Variants in PKN2 observed in about 807,000 individuals in gnomAD.
PKN2 encodes the protein serine/threonine-protein kinase N2.
In PKN2, 38 loss-of-function variants were observed where a neutral mutation model predicts 119.1. That is an observed-to-expected ratio of 0.32 (90% CI 0.25 to 0.42). PKN2 has a LOEUF of 0.42. Ranked by LOEUF, PKN2 falls within the 10% of genes least tolerant of loss-of-function variation. The pLI, the probability that PKN2 is intolerant of heterozygous loss-of-function variation, is 1.00. For missense variants in PKN2, 850 were observed against 1,165.1 expected (o/e 0.73, Z 3.94); for synonymous variants, 390 against 384.9 (o/e 1.01, Z -0.15).
Position 88,784,754 on chromosome 1 carries a change from T to C in PKN2, c.1101T>C (p.Ser367=). ...GGAGTCCAAGTGAAACCAGATCATC[T>C]TTCATGAGCAGAACGAGTAAAAGTA... The part of the protein sequence containing the change: ...PGWSPSETRS[S]FMSRTSKSKS... The change falls in exon 7 of 22, where the codon TCT becomes TCC. Residue 367 remains serine, a synonymous_variant. Coordinates refer to ENST00000370521, the MANE Select transcript of PKN2 (RefSeq NM_006256.4). 1.2e-6 allele frequency: 2 copies of C among 1,613,064 alleles called. No homozygotes were observed. Among genetic ancestry groups the C allele is most frequent in the Non-Finnish European group, 8.5e-7 (1 of 1,179,366 alleles).
At chr1:88,713,792 A>G (rs1667336310) in intron 1 of PKN2, among the ~76,000 whole-genome samples, 1 of 151,832 alleles carries the variant, frequency 6.6e-6, no homozygotes, top group Non-Finnish European at 1.5e-5. Context: ...ATTAGATCCC[A>G]TTTGTCTATT....
chr1:88,740,772 A>G (rs1668546374), intron 1 of PKN2, among the ~76,000 whole-genome samples: 1 of 152,128 alleles, frequency 6.6e-6, no homozygotes. Flanking sequence ...TTGTCAAGTA[A>G]TGCTACTTAG....
chr1:88,703,715 G>A (rs1405914057), intron 1 of PKN2, among the ~76,000 whole-genome samples: 1 of 152,054 alleles, frequency 6.6e-6, no homozygotes, highest in African/African-American at 2.4e-5. Flanking sequence ...AAAAGCAAAG[G>A]CTACTTAGTC....
intron 16 of PKN2, among the ~76,000 whole-genome samples, chr1:88,814,447 C>T (rs1220293339): frequency 1.3e-5 from 2 of 152,114 alleles, no homozygotes; most frequent in African/African-American, 4.8e-5. Flanking sequence ...GATATTAATA[C>T]CTACACCCTG....
At chr1:88,785,162 A>G (rs1157177029) in intron 7 of PKN2, among the ~76,000 whole-genome samples, 1 of 152,096 alleles carries the variant, frequency 6.6e-6, no homozygotes, top group Non-Finnish European at 1.5e-5. Context: ...ATTTTTTGAG[A>G]CAGTGTTTTG....
chr1:88,830,132 C>T (rs1372750275), intron 19 of PKN2, among the ~76,000 whole-genome samples: 2 of 152,108 alleles, frequency 1.3e-5, no homozygotes, highest in Admixed American at 1.3e-4. Context: ...TAATGACTTG[C>T]TTAAAGTCAC....
intron 8 of PKN2, among the ~76,000 whole-genome samples, chr1:88,787,027 T>G (rs972760762): frequency 5.5e-5 from 8 of 146,494 alleles, no homozygotes; most frequent in Non-Finnish European, 1.2e-4. Flanking sequence ...TTTTAAAGCA[T>G]TCAATGTTTT....
chr1:88,748,808 A>G (rs369905494), intron 2 of PKN2, among the ~76,000 whole-genome samples: 31 of 152,038 alleles, frequency 2.0e-4, no homozygotes, highest in African/African-American at 7.0e-4. Flanking sequence ...GGTGGTGTGC[A>G]CCTGTAATCC....
At chr1:88,770,143 C>CT (rs1314808071) in intron 3 of PKN2, among the ~76,000 whole-genome samples, 1 of 152,116 alleles carries the variant, frequency 6.6e-6, no homozygotes, top group African/African-American at 2.4e-5. Context: ...ATTGTCTTAA[C>CT]TAATGGAGTT....
At chr1:88,777,191 T>A (rs1233609524) in intron 6 of PKN2, among the ~76,000 whole-genome samples, 1 of 152,164 alleles carries the variant, frequency 6.6e-6, no homozygotes, top group African/African-American at 2.4e-5. Flanking sequence ...GTATTGAACC[T>A]CTCTAGCAAA....
At chr1:88,763,710 G>A (rs1337924191) in intron 3 of PKN2, among the ~76,000 whole-genome samples, 1 of 151,772 alleles carries the variant, frequency 6.6e-6, no homozygotes, top group Non-Finnish European at 1.5e-5. Context: ...GTTTTTTGCA[G>A]TAGTCCAGGT....
At chr1:88,715,433 C>T (rs961828366) in intron 1 of PKN2, among the ~76,000 whole-genome samples, 9 of 152,080 alleles carry the variant, frequency 5.9e-5, no homozygotes, top group African/African-American at 2.2e-4. Context: ...TAATCATTTC[C>T]TCAATTTCAG....
chr1:88,727,035 A>AG (rs1667924738), intron 1 of PKN2, among the ~76,000 whole-genome samples: 1 of 152,000 alleles, frequency 6.6e-6, no homozygotes, highest in Non-Finnish European at 1.5e-5. Context: ...GGGATGTTGA[A>AG]GTCCCCAACT....
intron 2 of PKN2, among the ~76,000 whole-genome samples, chr1:88,743,880 T>TTTTTTTTTTTTTTTTTTTTGAG (rs1175726708): frequency 6.6e-6 from 1 of 152,128 alleles, no homozygotes; most frequent in South Asian, 2.1e-4. Flanking sequence ...TGACCATTTT[T>TTTTTTTTTTTTTTTTTTTTGAG]AATACTGACA....
In PKN2 at chr1:88,807,458, C is replaced by A; in HGVS notation, c.1934+15C>A. The A allele has an allele frequency of 6.2e-7, 1 of 1,607,022 alleles. No individual in the cohort carries two copies. Among genetic ancestry groups the A allele is most frequent in the Non-Finnish European group, 8.5e-7 (1 of 1,177,472 alleles). On this transcript the variant is annotated intron_variant, in intron 13 of 21. Coordinates refer to ENST00000370521, the MANE Select transcript of PKN2 (RefSeq NM_006256.4). ...GAGGACAGAAGGTAAAGAATATATACCAAATTTTGCGACTACATGTTTGGT... is the reference window on the plus strand; with the variant it reads ...GAGGACAGAAGGTAAAGAATATATAACAAATTTTGCGACTACATGTTTGGT...
At chr1:88,703,756 A>T (rs141153717) in intron 1 of PKN2, among the ~76,000 whole-genome samples, 1 of 152,154 alleles carries the variant, frequency 6.6e-6, no homozygotes, top group East Asian at 1.9e-4. Flanking sequence ...AGATGGGAAT[A>T]TATCAGTTTA....
Position 88,784,632 on chromosome 1 carries a change from C to G in PKN2, c.986-7C>G. The G allele has an allele frequency of 3.9e-6, 6 of 1,541,254 alleles. No homozygotes were observed. Among genetic ancestry groups the G allele is most frequent in the Non-Finnish European group, 5.3e-6 (6 of 1,139,238 alleles). ...TGTTCTTATCTGATATTTATGTTTG[C>G]CAACAGGTACTTTGGAAGTTCGTCT... On this transcript the variant is annotated splice_polypyrimidine_tract_variant and splice_region_variant and intron_variant, in intron 6 of 21. Transcript: ENST00000370521.
At chr1:88,793,951 C>T (rs1557615789) in intron 8 of PKN2, among the ~76,000 whole-genome samples, 1 of 152,182 alleles carries the variant, frequency 6.6e-6, no homozygotes, top group African/African-American at 2.4e-5. Flanking sequence ...AGAGGGTGGA[C>T]TGTATATGTA....
chr1:88,825,148 AAATG>A, intron 18 of PKN2, among the ~76,000 whole-genome samples: 1 of 152,378 alleles, frequency 6.6e-6, no homozygotes, highest in East Asian at 1.9e-4. Context: ...TTGGATGAAT[AAATG>A]AATGAACTCT....
Sources: allele counts gnomAD v4.1 joint callset (sites outside exome capture counted in the v4.1 genomes callset), GRCh38; gene constraint gnomAD v4.1.1; transcripts MANE v1.5; gene names NCBI Gene and HGNC (gene_info 2026-07-23, HGNC 2026-07-21).